Variants in ANXA5 observed in about 807,000 individuals in gnomAD.
The protein encoded by ANXA5 is annexin A5.
Under a neutral mutation model 48.1 loss-of-function variants are expected in ANXA5, and 40 were observed. The observed-to-expected ratio is 0.83, with a 90% CI of 0.65 to 1.08. The LOEUF is 1.08. Ranked by LOEUF, ANXA5 falls within the 50% of genes least tolerant of loss-of-function variation. The probability of loss-of-function intolerance (pLI) is 0.00; values close to 1 mark genes in which losing one functional copy is unlikely to be tolerated. For missense variants in ANXA5, 357 were observed against 376.8 expected, an observed-to-expected ratio of 0.95 and a Z score of 0.44; for synonymous variants, 113 against 129.1, an observed-to-expected ratio of 0.88 and a Z score of 0.85.
intron 10 of ANXA5, among the ~76,000 whole-genome samples, chr4:121,670,815 G>A (rs543045422): frequency 3.9e-5 from 6 of 152,224 alleles, no homozygotes; most frequent in Admixed American, 3.3e-4. Flanking sequence ...GTACTCAAGT[G>A]AAAGGCTACT....
chr4:121,673,583 G>A (rs1724646579), intron 8 of ANXA5, among the ~76,000 whole-genome samples: 1 of 152,042 alleles, frequency 6.6e-6, no homozygotes, highest in Admixed American at 6.5e-5. Context: ...GATTATGGTG[G>A]TAAAGATCTA....
chr4:121,674,546 A>G (rs1724667425), intron 8 of ANXA5, among the ~76,000 whole-genome samples: 2 of 152,206 alleles, frequency 1.3e-5, no homozygotes, highest in Non-Finnish European at 2.9e-5. Context: ...TTAAATGTCT[A>G]GAAATGTTCT....
At chr4:121,684,808 AC>A (rs746027549) in intron 3 of ANXA5, 37 bp from the exon 4 acceptor site, 2 of 1,536,824 alleles carry the variant, frequency 1.3e-6, no homozygotes, top group Admixed American at 3.4e-5. Flanking sequence ...TTTGGCTCCT[AC>A]ATGCATACTC....
intron 2 of ANXA5, among the ~76,000 whole-genome samples, chr4:121,688,196 C>T (rs920751025): frequency 2.0e-5 from 3 of 152,130 alleles, no homozygotes; most frequent in Non-Finnish European, 4.4e-5. Context: ...CACCCTGAGA[C>T]TTCCAGTCAC....
chr4:121,683,423 C>T lies in ANXA5; in HGVS notation c.244G>A (p.Val82Met), dbSNP rs779314646. ...AGCCGAGAGGGTTTCATCAGAGCCA[C>T]AATTAATTTTTCAAATTTTCCAGTT... ...ELTGKFEKLI[V>M]ALMKPSRLYD... The change falls in exon 5 of 13, where the codon GTG (valine) becomes ATG (methionine). Residue 82 changes from valine to methionine, a missense_variant. Transcript: ENST00000296511. 1 of 1,611,232 alleles carries T rather than the reference C, an allele frequency of 6.2e-7. No homozygotes were observed. The highest frequency in any genetic ancestry group is 8.5e-7 in the Non-Finnish European group (1 of 1,178,412).
At chr4:121,689,252 A>C (rs1202838975) in intron 2 of ANXA5, among the ~76,000 whole-genome samples, 3 of 152,170 alleles carry the variant, frequency 2.0e-5, no homozygotes, top group Non-Finnish European at 4.4e-5. Context: ...AAACTCTACA[A>C]GTTTTCTTAA....
intron 6 of ANXA5, among the ~76,000 whole-genome samples, chr4:121,680,189 C>G (rs1724766579): frequency 6.6e-6 from 1 of 152,110 alleles, no homozygotes; most frequent in Non-Finnish European, 1.5e-5. Flanking sequence ...TGCATTATGT[C>G]CTCCACGTTT....
chr4:121,684,820 T>C (rs778094878), intron 3 of ANXA5, 49 bp from the exon 4 acceptor site: 1 of 1,448,788 alleles, frequency 6.9e-7, no homozygotes. Context: ...ATGCATACTC[T>C]CCCAACGATC....
chr4:121,685,387 T>G (rs940890087), intron 3 of ANXA5, among the ~76,000 whole-genome samples: 1 of 152,024 alleles, frequency 6.6e-6, no homozygotes, highest in African/African-American at 2.4e-5. Flanking sequence ...TGGAGAATGA[T>G]TCATGGAGAA....
intron 2 of ANXA5, among the ~76,000 whole-genome samples, chr4:121,691,111 CCATCCTCAGTT>C (rs1292612525): frequency 6.6e-6 from 1 of 152,168 alleles, no homozygotes; most frequent in Non-Finnish European, 1.5e-5. Flanking sequence ...ACCCATTCAC[CCATCCTCAGTT>C]CATCCTCAAT....
intron 5 of ANXA5, among the ~76,000 whole-genome samples, chr4:121,683,065 T>C (rs1724819143): frequency 6.6e-6 from 1 of 152,118 alleles, no homozygotes. Context: ...ATCTGTAATA[T>C]TTTTTAAACA....
At chr4:121,687,951 A>AT (rs1446885267) in intron 2 of ANXA5, among the ~76,000 whole-genome samples, 2 of 152,188 alleles carry the variant, frequency 1.3e-5, no homozygotes, top group East Asian at 3.9e-4. Flanking sequence ...TATGAACCGA[A>AT]TATCTGTGTC....
intron 2 of ANXA5, among the ~76,000 whole-genome samples, chr4:121,691,389 T>TA (rs1724981885): frequency 6.6e-6 from 1 of 152,056 alleles, no homozygotes; most frequent in Non-Finnish European, 1.5e-5. Context: ...ACACAGAACT[T>TA]AGACATAAAT....
At chr4:121,686,728 G>A (rs1202222391) in intron 2 of ANXA5, among the ~76,000 whole-genome samples, 2 of 152,150 alleles carry the variant, frequency 1.3e-5, no homozygotes, top group South Asian at 2.1e-4. Flanking sequence ...TACTGAGCCC[G>A]CACTAAATCT....
chr4:121,669,752 C>G (rs773461897), intron 11 of ANXA5, 28 bp from the exon 12 acceptor site: 30 of 1,573,094 alleles, frequency 1.9e-5, no homozygotes, highest in Non-Finnish European at 2.4e-5. Context: ...AAGAGAGAAG[C>G]AAAATGCTTA....
chr4:121,695,658 G>A (rs1041592818), intron 2 of ANXA5, among the ~76,000 whole-genome samples: 4 of 152,062 alleles, frequency 2.6e-5, no homozygotes, highest in African/African-American at 9.7e-5. Flanking sequence ...TGGGATTACA[G>A]TCCTGAGGCC....
At chr4:121,681,058 T>C (rs1724785294) in intron 6 of ANXA5, among the ~76,000 whole-genome samples, 1 of 152,174 alleles carries the variant, frequency 6.6e-6, no homozygotes, top group Non-Finnish European at 1.5e-5. Context: ...AGAAATCTGG[T>C]AAGAAAAGGA....
At chr4:121,695,246 G>A (rs771909526) in intron 2 of ANXA5, among the ~76,000 whole-genome samples, 1 of 152,198 alleles carries the variant, frequency 6.6e-6, no homozygotes, top group African/African-American at 2.4e-5. Flanking sequence ...GAAGTAATAT[G>A]AGAATTGGTT....
At chr4:121,685,034 G>GTGTATA (rs1553964244) in intron 3 of ANXA5, among the ~76,000 whole-genome samples, 1 of 135,930 alleles carries the variant, frequency 7.4e-6, no homozygotes, top group African/African-American at 2.8e-5. Context: ...AAAAAAATAT[G>GTGTATA]TATATATATA....
Sources: allele counts gnomAD v4.1 joint callset (sites outside exome capture counted in the v4.1 genomes callset), GRCh38; gene constraint gnomAD v4.1.1; transcripts MANE v1.5; gene names NCBI Gene and HGNC (gene_info 2026-07-23, HGNC 2026-07-21).